Variants in ASIC2 observed in about 807,000 individuals in gnomAD.
ASIC2 encodes the protein acid-sensing ion channel 2.
In ASIC2, 25 loss-of-function variants were observed where a neutral mutation model predicts 57.3. That is an observed-to-expected ratio of 0.44 (90% CI 0.32 to 0.61). ASIC2 has a LOEUF of 0.61. Ranked by LOEUF, ASIC2 falls within the 20% of genes least tolerant of loss-of-function variation. The pLI, the probability that ASIC2 is intolerant of heterozygous loss-of-function variation, is 0.06. For missense variants in ASIC2, 641 were observed against 738.1 expected (o/e 0.87, Z 1.52); for synonymous variants, 319 against 307.5 (o/e 1.04, Z -0.39).
intron 1 of ASIC2, among the ~76,000 whole-genome samples, chr17:33,689,368 A>G (rs1908295993): frequency 6.6e-6 from 1 of 152,144 alleles, no homozygotes; most frequent in South Asian, 2.1e-4. Context: ...CAGCACCCGG[A>G]CTAGCCTCAT....
chr17:33,951,351 G>T (rs1484885889), intron 1 of ASIC2, among the ~76,000 whole-genome samples: 5 of 151,980 alleles, frequency 3.3e-5, no homozygotes, highest in East Asian at 1.9e-4. Flanking sequence ...CACATAAAAG[G>T]TAGAACTGAG....
At chr17:33,282,805 C>T (rs1410732468) in intron 1 of ASIC2, among the ~76,000 whole-genome samples, 1 of 152,086 alleles carries the variant, frequency 6.6e-6, no homozygotes, top group Non-Finnish European at 1.5e-5. Context: ...TCCACAGTTC[C>T]ATCTCCTCTC....
At chr17:34,088,005 G>C (rs537405335) in intron 1 of ASIC2, among the ~76,000 whole-genome samples, 1 of 152,142 alleles carries the variant, frequency 6.6e-6, no homozygotes, top group Non-Finnish European at 1.5e-5. Flanking sequence ...GTAGCTTGGA[G>C]TAGTTTGATC....
intron 1 of ASIC2, among the ~76,000 whole-genome samples, chr17:33,179,981 C>T (rs889829740): frequency 6.6e-6 from 1 of 152,210 alleles, no homozygotes; most frequent in African/African-American, 2.4e-5. Flanking sequence ...TTCAATCTAT[C>T]TGTAATTCCT....
At chr17:33,476,504 CATATATATATATATAT>C (rs67811038) in intron 1 of ASIC2, among the ~76,000 whole-genome samples, 15 of 122,760 alleles carry the variant, frequency 1.2e-4, no homozygotes, top group East Asian at 1.0e-3. Flanking sequence ...TGTGTGTGTG[CATATATATATATATAT>C]ATATATATAT....
intron 1 of ASIC2, among the ~76,000 whole-genome samples, chr17:33,742,971 G>T (rs1348641949): frequency 1.3e-5 from 2 of 152,156 alleles, no homozygotes; most frequent in African/African-American, 4.8e-5. Flanking sequence ...TCCAGTTCCT[G>T]TTGGTAAGTC....
rs536816062 is a variant in ASIC2 at position 33,510,257 on chromosome 17, C to G, written c.556-398190G>C. ...GGATGAGACTCATTTAGTTCCCAGA[C>G]AGATTCATCTTTCTAATTATTACCC... On this transcript the variant is annotated intron_variant, in intron 1 of 9. Transcript: ENST00000359872. 4.6e-5 allele frequency among the ~76,000 whole-genome samples: 7 copies of G among 152,312 alleles called. No homozygotes were observed. The South Asian group carries it at 8.3e-4, about 18-fold the overall frequency.
chr17:33,475,420 C>T (rs1267320570), intron 1 of ASIC2, among the ~76,000 whole-genome samples: 1 of 152,038 alleles, frequency 6.6e-6, no homozygotes, highest in East Asian at 1.9e-4. Flanking sequence ...TACACTTTTC[C>T]TAGATATCAC....
At chr17:33,048,822 G>A (rs923354479) in intron 3 of ASIC2, among the ~76,000 whole-genome samples, 6 of 152,194 alleles carry the variant, frequency 3.9e-5, no homozygotes, top group African/African-American at 1.4e-4. Flanking sequence ...CCTGGACTTT[G>A]GGGTGTGGCT....
chr17:33,042,066 T>G (rs1403539289), intron 3 of ASIC2, among the ~76,000 whole-genome samples: 1 of 152,244 alleles, frequency 6.6e-6, no homozygotes, highest in Non-Finnish European at 1.5e-5. Context: ...TTTGATGTTT[T>G]TATTGCATCC....
At chr17:33,552,858 G>A (rs1255398024) in intron 1 of ASIC2, among the ~76,000 whole-genome samples, 2 of 152,250 alleles carry the variant, frequency 1.3e-5, no homozygotes, top group Non-Finnish European at 2.9e-5. Flanking sequence ...GGGCATGGCT[G>A]TTAATGGTGG....
At chr17:33,631,106 A>G (rs996362756) in intron 1 of ASIC2, among the ~76,000 whole-genome samples, 1 of 152,186 alleles carries the variant, frequency 6.6e-6, no homozygotes, top group African/African-American at 2.4e-5. Flanking sequence ...ATGGGGCCCA[A>G]GAAGACACTG....
intron 1 of ASIC2, among the ~76,000 whole-genome samples, chr17:33,709,633 A>G (rs1463210497): frequency 6.6e-6 from 1 of 152,206 alleles, no homozygotes; most frequent in African/African-American, 2.4e-5. Context: ...AGCAGCTAGA[A>G]CTGACTAGGA....
intron 1 of ASIC2, among the ~76,000 whole-genome samples, chr17:33,258,756 T>G (rs1909173288): frequency 6.6e-6 from 1 of 152,108 alleles, no homozygotes; most frequent in African/African-American, 2.4e-5. Context: ...AAACTAAAGC[T>G]CAGTGAAGTT....
chr17:34,040,790 A>C (rs906735160), intron 1 of ASIC2, among the ~76,000 whole-genome samples: 1 of 152,208 alleles, frequency 6.6e-6, no homozygotes, highest in African/African-American at 2.4e-5. Flanking sequence ...TTACTGAAGC[A>C]ATAGTTAAGT....
chr17:33,949,015 T>C (rs984825623), intron 1 of ASIC2, among the ~76,000 whole-genome samples: 1 of 152,212 alleles, frequency 6.6e-6, no homozygotes, highest in Admixed American at 6.5e-5. Context: ...GACTGTGTTC[T>C]GGCATGTCTT....
chr17:33,752,673 T>G (rs1187112409), intron 1 of ASIC2, among the ~76,000 whole-genome samples: 2 of 152,208 alleles, frequency 1.3e-5, no homozygotes, highest in African/African-American at 4.8e-5. Flanking sequence ...TGGGTCTACA[T>G]AGATGGCAGA....
chr17:33,817,060 C>T (rs1912604498), intron 1 of ASIC2, among the ~76,000 whole-genome samples: 1 of 152,208 alleles, frequency 6.6e-6, no homozygotes, highest in Admixed American at 6.5e-5. Flanking sequence ...AGCGGGGCTG[C>T]ACACTGGAAC....
chr17:33,420,606 A>G (rs1965005011), intron 1 of ASIC2, among the ~76,000 whole-genome samples: 1 of 152,172 alleles, frequency 6.6e-6, no homozygotes, highest in African/African-American at 2.4e-5. Flanking sequence ...TCTTTGTGAG[A>G]ATACAGATAT....
Sources: allele counts gnomAD v4.1 joint callset (sites outside exome capture counted in the v4.1 genomes callset), GRCh38; gene constraint gnomAD v4.1.1; transcripts MANE v1.5; gene names NCBI Gene and HGNC (gene_info 2026-07-23, HGNC 2026-07-21).